Variants in LIPA observed in about 807,000 individuals in gnomAD.
LIPA encodes lysosomal acid lipase/cholesteryl ester hydrolase.
Under a neutral mutation model 40.6 loss-of-function variants are expected in LIPA, and 26 were observed. The observed-to-expected ratio is 0.64, with a 90% CI of 0.47 to 0.89. The LOEUF is 0.89. LIPA is among the 40% of genes least tolerant of loss of function. The probability of loss-of-function intolerance (pLI) is 0.00; values close to 1 mark genes in which losing one functional copy is unlikely to be tolerated. For missense variants in LIPA, 455 were observed against 479.6 expected (o/e 0.95, Z 0.48); for synonymous variants, 188 against 168.4 (o/e 1.12, Z -0.90).
At chr10:89,339,508 T>C in intron 1 of LIPA, 1 of 1,614,178 alleles carries the variant, frequency 6.2e-7, no homozygotes, top group Non-Finnish European at 8.5e-7. Context: ...TGGGTGCTGC[T>C]ACAAGGCAAA....
At chr10:89,302,036 AT>A (rs1843448084) in intron 1 of LIPA, 2 of 1,497,552 alleles carry the variant, frequency 1.3e-6, no homozygotes, top group South Asian at 2.3e-5. Context: ...TCTCTTCAGC[AT>A]TTATTGGTGG....
chr10:89,379,133 G>A (rs1229685801), intron 2 of LIPA, among the ~76,000 whole-genome samples: 5 of 152,202 alleles, frequency 3.3e-5, no homozygotes, highest in Admixed American at 6.5e-5. Flanking sequence ...TCTGTTGTTT[G>A]TTTGTTTTTG....
At chr10:89,315,849 G>A (rs1476047003) in intron 1 of LIPA, among the ~76,000 whole-genome samples, 4 of 152,174 alleles carry the variant, frequency 2.6e-5, no homozygotes, top group African/African-American at 9.7e-5. Context: ...AAAGTAAACA[G>A]AGATAATTAA....
chr10:89,384,148 G>A (rs1289892918), intron 2 of LIPA: 2 of 1,614,044 alleles, frequency 1.2e-6, no homozygotes, highest in Admixed American at 1.7e-5. Flanking sequence ...AATGGCCTTG[G>A]AGACAACACC....
intron 2 of LIPA, among the ~76,000 whole-genome samples, chr10:89,353,148 TA>T (rs1564798072): frequency 2.0e-5 from 3 of 152,156 alleles, no homozygotes; most frequent in African/African-American, 7.2e-5. Flanking sequence ...AAACCGTCCC[TA>T]AAATGATAAT....
intron 1 of LIPA, chr10:89,340,671 G>A (rs1388086241): frequency 6.6e-6 from 1 of 151,888 alleles, no homozygotes; most frequent in Non-Finnish European, 1.5e-5. Flanking sequence ...AATGCTTCAG[G>A]CCCACATGAT....
At chr10:89,285,797 T>TG (rs1843338531) in intron 1 of LIPA, among the ~76,000 whole-genome samples, 1 of 151,170 alleles carries the variant, frequency 6.6e-6, no homozygotes, top group Non-Finnish European at 1.5e-5. Context: ...TCCACTTCCC[T>TG]GGGGGACAAA....
chr10:89,295,496 C>T (rs1843408292), intron 1 of LIPA, among the ~76,000 whole-genome samples: 1 of 152,186 alleles, frequency 6.6e-6, no homozygotes, highest in Non-Finnish European at 1.5e-5. Context: ...GAAGGCTTAT[C>T]AACACCTAGA....
upstream of LIPA, among the ~76,000 whole-genome samples, chr10:89,253,560 A>G (rs906396268): frequency 6.6e-6 from 1 of 152,206 alleles, no homozygotes; most frequent in Admixed American, 6.5e-5. Flanking sequence ...GGGTGGGGAC[A>G]CAGCCAAACC....
At chr10:89,401,806 G>A (rs1041597179) in intron 2 of LIPA, among the ~76,000 whole-genome samples, 2 of 151,310 alleles carry the variant, frequency 1.3e-5, no homozygotes, top group South Asian at 2.1e-4. Flanking sequence ...AAAAAAACCC[G>A]GGTCAAATAT....
intron 1 of LIPA, among the ~76,000 whole-genome samples, chr10:89,316,464 C>T (rs992729245): frequency 6.6e-6 from 1 of 152,214 alleles, no homozygotes; most frequent in African/African-American, 2.4e-5. Context: ...GAGCCTTGCT[C>T]ACTGCTGGCA....
In LIPA at chr10:89,214,549, A is replaced by G. The variant is rs1450806296; in HGVS notation, c.*279T>C. 2 of 325,958 alleles carry G rather than the reference A, an allele frequency of 6.1e-6. No individual in the cohort carries two copies. Among genetic ancestry groups the G allele is most frequent in the Non-Finnish European group, 5.7e-6 (1 of 175,078 alleles). 20.2% of individuals were successfully genotyped at this position (325,958 alleles called of 1,614,324 possible). Reference sequence around the variant, plus strand: ...TAAATTTTAAAAACAGAATGGATATAATGACCTTTTTACACATCAGTGATA... The same window carrying G: ...TAAATTTTAAAAACAGAATGGATATGATGACCTTTTTACACATCAGTGATA... On this transcript the variant is annotated 3_prime_UTR_variant, in exon 10 of 10. Coordinates refer to ENST00000336233, the MANE Select transcript of LIPA (RefSeq NM_000235.4).
chr10:89,241,514 G>T (rs764624295), intron 3 of LIPA, among the ~76,000 whole-genome samples: 3 of 152,120 alleles, frequency 2.0e-5, no homozygotes, highest in Non-Finnish European at 2.9e-5. Context: ...TATAAGGAAA[G>T]AAAAATCTAG....
At chr10:89,391,236 CAG>C (rs1321799934) in intron 2 of LIPA, among the ~76,000 whole-genome samples, 13 of 152,312 alleles carry the variant, frequency 8.5e-5, no homozygotes, top group African/African-American at 4.8e-5. Context: ...TTATTTGAGA[CAG>C]GGGCTCACTC....
intron 1 of LIPA, among the ~76,000 whole-genome samples, chr10:89,291,093 G>A (rs903733857): frequency 5.9e-5 from 9 of 151,550 alleles, no homozygotes; most frequent in Non-Finnish European, 1.2e-4. Context: ...ATGACTTCTC[G>A]GTCTCCTTTC....
chr10:89,368,831 G>A (rs1844076000), intron 2 of LIPA, among the ~76,000 whole-genome samples: 1 of 151,946 alleles, frequency 6.6e-6, no homozygotes, highest in African/African-American at 2.4e-5. Flanking sequence ...AAAGTAGACA[G>A]AGAAAGACAT....
At chr10:89,320,508 C>T (rs1449607750) in intron 1 of LIPA, among the ~76,000 whole-genome samples, 2 of 152,164 alleles carry the variant, frequency 1.3e-5, no homozygotes, top group African/African-American at 4.8e-5. Context: ...ATCCAACTTA[C>T]AAGGGATGTG....
upstream of LIPA, among the ~76,000 whole-genome samples, chr10:89,345,175 A>T (rs1165614353): frequency 6.6e-6 from 1 of 152,088 alleles, no homozygotes; most frequent in African/African-American, 2.4e-5. Flanking sequence ...AATAAAAAAA[A>T]AAAGAATGTA....
intron 2 of LIPA, among the ~76,000 whole-genome samples, chr10:89,356,392 G>C (rs1843988686): frequency 6.6e-6 from 1 of 152,158 alleles, no homozygotes; most frequent in Non-Finnish European, 1.5e-5. Flanking sequence ...TAGGAACTGG[G>C]CTATACAGCA....
Sources: allele counts gnomAD v4.1 joint callset (sites outside exome capture counted in the v4.1 genomes callset), GRCh38; gene constraint gnomAD v4.1.1; transcripts MANE v1.5; gene names NCBI Gene and HGNC (gene_info 2026-07-23, HGNC 2026-07-21).